ENOX1: variants seen among roughly 807,000 people sequenced by gnomAD.
ENOX1 encodes ecto-NOX disulfide-thiol exchanger 1.
ENOX1 carries 42 observed loss-of-function variants against 82.5 expected under a neutral mutation model. The ratio of observed to expected loss-of-function variants is 0.51; its 90% CI spans 0.40 to 0.66. The LOEUF (loss-of-function observed/expected upper bound fraction) is 0.66, where lower values mean the gene tolerates loss of function less well. Ranked by LOEUF, ENOX1 falls within the 30% of genes least tolerant of loss-of-function variation. ENOX1 has a pLI of 0.00. For missense variants in ENOX1, 608 were observed against 811.6 expected (o/e 0.75, Z 3.05); for synonymous variants, 271 against 282.2 (o/e 0.96, Z 0.40).
chr13:43,721,209 T>A (rs1290493073), intron 1 of ENOX1, among the ~76,000 whole-genome samples: 1 of 152,142 alleles, frequency 6.6e-6, no homozygotes, highest in African/African-American at 2.4e-5. Context: ...AGTACCCTTA[T>A]ACTTACATTT....
rs1319579350 is a variant in ENOX1 at position 43,298,393 on chromosome 13, C to T, written c.1399G>A (p.Asp467Asn). 1.2e-6 allele frequency: 2 copies of T among 1,612,926 alleles called. No homozygotes were observed. The highest frequency in any genetic ancestry group is 1.1e-5 in the South Asian group (1 of 91,010). ...TGCTGCAGAAACTGCAGTTGCTGGT[C>T]CTTGGTGAGGTTTTCTTCTGTTCGG... ...LFRTEENLTK[D>N]QQLQFLQQTM... Residue 467 changes from aspartate (D) to asparagine (N), a missense_variant, in exon 12 of 17, where the codon GAC (aspartate) becomes AAC (asparagine). Asp to Asn is a conservative substitution (Grantham distance 23). Coordinates refer to ENST00000690772, the MANE Select transcript of ENOX1 (RefSeq NM_001347969.2).
At chr13:43,576,302 C>T (rs1244853438) in intron 2 of ENOX1, among the ~76,000 whole-genome samples, 1 of 152,196 alleles carries the variant, frequency 6.6e-6, no homozygotes, top group East Asian at 1.9e-4. Context: ...AGACTCAATC[C>T]ACTTGCCGCT....
intron 1 of ENOX1, among the ~76,000 whole-genome samples, chr13:43,733,628 T>A (rs2153823009): frequency 6.6e-6 from 1 of 152,314 alleles, no homozygotes; most frequent in South Asian, 2.1e-4. Context: ...AAATATACCC[T>A]GTTCAGATTG....
chr13:43,637,063 T>C (rs931823837), intron 2 of ENOX1, among the ~76,000 whole-genome samples: 6 of 152,204 alleles, frequency 3.9e-5, no homozygotes, highest in African/African-American at 1.4e-4. Flanking sequence ...ATAAGTGGAC[T>C]TCGTACACAA....
intron 3 of ENOX1, among the ~76,000 whole-genome samples, chr13:43,425,379 C>T (rs1282760130): frequency 6.6e-6 from 1 of 152,152 alleles, no homozygotes; most frequent in African/African-American, 2.4e-5. Flanking sequence ...AGACCCAAGG[C>T]CTTTACCCTC....
chr13:43,304,998 G>C (rs1924634), intron 11 of ENOX1, among the ~76,000 whole-genome samples: 3 of 151,930 alleles, frequency 2.0e-5, no homozygotes, highest in African/African-American at 7.3e-5. Flanking sequence ...CATGAACTCT[G>C]TCCCCTGAGT....
intron 2 of ENOX1, among the ~76,000 whole-genome samples, chr13:43,647,603 A>C (rs1257576652): frequency 1.3e-5 from 2 of 152,212 alleles, no homozygotes; most frequent in East Asian, 3.9e-4. Context: ...TGCAATATAC[A>C]TTCTGGAAGA....
chr13:43,305,759 A>G (rs1402010346), intron 11 of ENOX1, among the ~76,000 whole-genome samples: 1 of 152,192 alleles, frequency 6.6e-6, no homozygotes, highest in Non-Finnish European at 1.5e-5. Flanking sequence ...AAAATAAGCA[A>G]AGGAAAGAGA....
At chr13:43,739,225 T>A (rs1219899732) in intron 1 of ENOX1, among the ~76,000 whole-genome samples, 1 of 152,100 alleles carries the variant, frequency 6.6e-6, no homozygotes, top group East Asian at 1.9e-4. Context: ...CTTTCCTTCA[T>A]CGAAGGTTAA....
At chr13:43,261,085 T>C (rs2044029816) in intron 14 of ENOX1, among the ~76,000 whole-genome samples, 1 of 152,184 alleles carries the variant, frequency 6.6e-6, no homozygotes, top group African/African-American at 2.4e-5. Context: ...TCGCAGATGA[T>C]CTTGTGATAA....
chr13:43,680,641 G>A (rs1205169531), intron 1 of ENOX1, among the ~76,000 whole-genome samples: 1 of 152,088 alleles, frequency 6.6e-6, no homozygotes, highest in Non-Finnish European at 1.5e-5. Context: ...TCTGCATAAT[G>A]GTGATGATAA....
At chr13:43,613,715 C>T (rs906201915) in intron 2 of ENOX1, among the ~76,000 whole-genome samples, 2 of 151,998 alleles carry the variant, frequency 1.3e-5, no homozygotes, top group African/African-American at 4.8e-5. Context: ...CAAGACTGAA[C>T]CATAAATAGA....
intron 1 of ENOX1, among the ~76,000 whole-genome samples, chr13:43,732,423 T>C (rs2089399702): frequency 6.6e-6 from 1 of 152,218 alleles, no homozygotes; most frequent in South Asian, 2.1e-4. Context: ...GAAATTGATT[T>C]ATAAACAATG....
At chr13:43,494,034 T>C (rs2076711172) in intron 2 of ENOX1, among the ~76,000 whole-genome samples, 1 of 152,158 alleles carries the variant, frequency 6.6e-6, no homozygotes, top group Non-Finnish European at 1.5e-5. Context: ...CCATCAGATC[T>C]CGTGAGAACT....
At chr13:43,441,656 C>T (rs959214698) in intron 3 of ENOX1, among the ~76,000 whole-genome samples, 1 of 151,646 alleles carries the variant, frequency 6.6e-6, no homozygotes, top group Non-Finnish European at 1.5e-5. Flanking sequence ...TAGAACCTAC[C>T]TGCCCGAAGG....
intron 2 of ENOX1, among the ~76,000 whole-genome samples, chr13:43,611,981 A>C (rs972717002): frequency 6.6e-6 from 1 of 152,200 alleles, no homozygotes; most frequent in Non-Finnish European, 1.5e-5. Context: ...CCTTGTTGCA[A>C]TTCAGCAGTT....
chr13:43,309,967 G>T (rs1477137564), intron 11 of ENOX1, among the ~76,000 whole-genome samples: 2 of 152,124 alleles, frequency 1.3e-5, no homozygotes, highest in Non-Finnish European at 2.9e-5. Context: ...ACTTTGGGAG[G>T]CTGAGGTGGG....
At chr13:43,234,594 A>G (rs1381179379) in intron 15 of ENOX1, among the ~76,000 whole-genome samples, 1 of 152,218 alleles carries the variant, frequency 6.6e-6, no homozygotes, top group Non-Finnish European at 1.5e-5. Flanking sequence ...AAGTCTTGGA[A>G]AATTTAGAAT....
chr13:43,632,677 C>T (rs917314759), intron 2 of ENOX1, among the ~76,000 whole-genome samples: 6 of 152,076 alleles, frequency 3.9e-5, no homozygotes, highest in African/African-American at 1.4e-4. Flanking sequence ...GAACTCTTGA[C>T]CTCAGGTGAT....
Sources: gnomAD v4.1 joint callset for allele counts (sites outside exome capture counted in the v4.1 genomes callset) on GRCh38, gnomAD v4.1.1 for gene constraint, MANE v1.5 for transcripts, NCBI Gene and HGNC (gene_info 2026-07-23, HGNC 2026-07-21) for gene names.